Variants in TENM2 observed in about 807,000 individuals in gnomAD.
TENM2 encodes teneurin transmembrane protein 2.
Under a neutral mutation model 245.2 loss-of-function variants are expected in TENM2, and 52 were observed. The ratio of observed to expected loss-of-function variants is 0.21; its 90% confidence interval spans 0.17 to 0.27. TENM2 has a LOEUF of 0.27. Among genes scored for constraint, TENM2 ranks in the 10% least tolerant of loss-of-function variants. The pLI is 1.00. For synonymous variants in TENM2, 1,363 were observed against 1,438.9 expected (o/e 0.95, Z 1.19); for missense variants, 3,046 against 3,666.8 (o/e 0.83, Z 4.37).
chr5:167,056,111 AT>A, the TENM2 span, among the ~76,000 whole-genome samples: 2 of 151,826 alleles, frequency 1.3e-5, no homozygotes, highest in Non-Finnish European at 2.9e-5. Flanking sequence ...AGATTTTTTT[AT>A]TATAATTGAG....
chr5:167,705,478 A>G (rs1179402260), intron 2 of TENM2, among the ~76,000 whole-genome samples: 1 of 152,150 alleles, frequency 6.6e-6, no homozygotes, highest in Non-Finnish European at 1.5e-5. Context: ...CTGTGGCTGT[A>G]TTATTGGACT....
intron 2 of TENM2, among the ~76,000 whole-genome samples, chr5:167,549,382 G>A (rs963899853): frequency 1.3e-5 from 2 of 152,028 alleles, no homozygotes; most frequent in Non-Finnish European, 2.9e-5. Context: ...CAAAATCCAA[G>A]TTAATTAAGT....
At chr5:168,190,675 T>A in intron 14 of TENM2, 128 bp downstream of exon 16, 1 of 716,288 alleles carries the variant, frequency 1.4e-6, no homozygotes, top group Non-Finnish European at 2.3e-6. Context: ...GGCAGCTCCC[T>A]CCAAGGGGGA....
chr5:167,492,857 G>T (rs574331443), intron 2 of TENM2, among the ~76,000 whole-genome samples: 29 of 152,098 alleles, frequency 1.9e-4, no homozygotes, highest in Middle Eastern at 6.8e-3. Flanking sequence ...ATTATAAAAA[G>T]GAATGGCTCA....
At chr5:167,964,042 T>C (rs955349356) in intron 4 of TENM2, among the ~76,000 whole-genome samples, 1 of 152,214 alleles carries the variant, frequency 6.6e-6, no homozygotes, top group African/African-American at 2.4e-5. Context: ...TTTTCTTAAG[T>C]AGTGTGTTAC....
the TENM2 span, among the ~76,000 whole-genome samples, chr5:167,209,580 A>G: frequency 3.9e-5 from 6 of 152,124 alleles, no homozygotes; most frequent in African/African-American, 1.4e-4. Context: ...TTGTTCCTCA[A>G]CTTATATTGA....
chr5:167,102,213 A>C, the TENM2 span, among the ~76,000 whole-genome samples: 1 of 151,684 alleles, frequency 6.6e-6, no homozygotes, highest in Admixed American at 6.6e-5. Context: ...GCAACAGAGC[A>C]AGACTCTGTC....
chr5:167,271,613 A>G, the TENM2 span, among the ~76,000 whole-genome samples: 8 of 152,130 alleles, frequency 5.3e-5, no homozygotes, highest in African/African-American at 1.7e-4. Flanking sequence ...GCTTTTGTTG[A>G]TTTGGACTGC....
intron 5 of TENM2, among the ~76,000 whole-genome samples, chr5:167,997,404 T>A (rs558604574): frequency 1.1e-4 from 16 of 152,372 alleles, no homozygotes; most frequent in East Asian, 1.9e-4. Context: ...CTGAATCATC[T>A]TCTAACGCAG....
At chr5:168,112,441 A>C (rs1192691777) in intron 9 of TENM2, among the ~76,000 whole-genome samples, 1 of 151,998 alleles carries the variant, frequency 6.6e-6, no homozygotes, top group African/African-American at 2.4e-5. Context: ...TGTTCTCATC[A>C]TTTAGCTCCT....
At chr5:168,080,641 C>T (rs1369378553) in intron 7 of TENM2, among the ~76,000 whole-genome samples, 4 of 152,180 alleles carry the variant, frequency 2.6e-5, no homozygotes, top group African/African-American at 7.2e-5. Flanking sequence ...TCTTTGTTCT[C>T]GTTGGTTTCA....
At chr5:167,999,795 C>T (rs1257228451) in intron 5 of TENM2, among the ~76,000 whole-genome samples, 2 of 152,118 alleles carry the variant, frequency 1.3e-5, no homozygotes, top group Non-Finnish European at 2.9e-5. Context: ...TGTGGGCAGA[C>T]GCTGGTGATG....
At chr5:168,096,183 A>G (rs1793358712) in intron 8 of TENM2, among the ~76,000 whole-genome samples, 1 of 152,236 alleles carries the variant, frequency 6.6e-6, no homozygotes. Context: ...AAGATAGTTC[A>G]GAACTAAGGC....
At chr5:168,180,634 A>G (rs1159421072) in intron 13 of TENM2, among the ~76,000 whole-genome samples, 1 of 152,190 alleles carries the variant, frequency 6.6e-6, no homozygotes, top group East Asian at 1.9e-4. Flanking sequence ...AGTGGTGCAC[A>G]CCTGTCATCC....
At chr5:168,072,409 T>C (rs1273661417) in intron 7 of TENM2, among the ~76,000 whole-genome samples, 1 of 152,210 alleles carries the variant, frequency 6.6e-6, no homozygotes, top group East Asian at 1.9e-4. Context: ...GGCAGCATGA[T>C]GAGGGCATGA....
chr5:167,105,187 T>G, the TENM2 span, among the ~76,000 whole-genome samples: 4 of 152,208 alleles, frequency 2.6e-5, no homozygotes, highest in Non-Finnish European at 5.9e-5. Flanking sequence ...CTGATGTAGT[T>G]TAAATGAGTC....
chr5:167,417,369 C>T (rs1264238438), intron 2 of TENM2, among the ~76,000 whole-genome samples: 1 of 152,150 alleles, frequency 6.6e-6, no homozygotes, highest in Non-Finnish European at 1.5e-5. Context: ...CATCTCTCTG[C>T]CATCTCTTCC....
At chr5:168,086,246 C>T (rs1186835130) in intron 7 of TENM2, among the ~76,000 whole-genome samples, 4 of 152,210 alleles carry the variant, frequency 2.6e-5, no homozygotes, top group Admixed American at 6.5e-5. Flanking sequence ...GCTCTCCTCC[C>T]GCTCCTCTGG....
chr5:167,635,631 G>GTTTTTTTTTTT (rs1561623173), intron 2 of TENM2, among the ~76,000 whole-genome samples: 2 of 90,984 alleles, frequency 2.2e-5, no homozygotes, highest in East Asian at 6.0e-4. Flanking sequence ...GATCAGTACA[G>GTTTTTTTTTTT]TCTTTTTTTT....
Sources: allele counts gnomAD v4.1 joint callset (sites outside exome capture counted in the v4.1 genomes callset), GRCh38; gene constraint gnomAD v4.1.1; transcripts MANE v1.5; gene names NCBI Gene and HGNC (gene_info 2026-07-23, HGNC 2026-07-21).